Variants in IPO9 observed in about 807,000 individuals in gnomAD.
The protein encoded by IPO9 is importin-9.
Under a neutral mutation model 128.6 loss-of-function variants are expected in IPO9, and 28 were observed. The observed-to-expected ratio is 0.22, with a 90% CI of 0.16 to 0.30. The LOEUF is 0.30. Among genes scored for constraint, IPO9 ranks in the 10% least tolerant of loss-of-function variants. The probability of loss-of-function intolerance (pLI) is 1.00; values close to 1 mark genes in which losing one functional copy is unlikely to be tolerated. For missense variants in IPO9, 935 were observed against 1,293.9 expected (o/e 0.72, Z 4.26); for synonymous variants, 455 against 475.8 (o/e 0.96, Z 0.57).
At position 201,838,601 on chromosome 1, in the gene IPO9, T is replaced by G. The variant is rs147981809; in HGVS notation, c.164-8678T>G. On this transcript the variant is annotated intron_variant, in intron 1 of 23. Transcript: ENST00000361565. ...CAAGTTTCAAGTGTTTGCTTGTGATTTAATCATTTAATAACTCTTTCAGAA... is the reference window on the plus strand; with the variant it reads ...CAAGTTTCAAGTGTTTGCTTGTGATGTAATCATTTAATAACTCTTTCAGAA... Among the ~76,000 whole-genome samples the G allele has an allele frequency of 2.1e-4, 32 of 152,304 alleles. 1 individual carries two copies. The highest frequency in any genetic ancestry group is 7.5e-4 in the African/African-American group (31 of 41,576).
At chr1:201,837,532 A>G (rs1276291587) in intron 1 of IPO9, among the ~76,000 whole-genome samples, 1 of 152,154 alleles carries the variant, frequency 6.6e-6, no homozygotes, top group Non-Finnish European at 1.5e-5. Flanking sequence ...CTATATGAAT[A>G]TCAGTGCTTT....
At chr1:201,862,459 A>G (rs1357182847) in intron 13 of IPO9, among the ~76,000 whole-genome samples, 4 of 151,372 alleles carry the variant, frequency 2.6e-5, no homozygotes, top group African/African-American at 7.3e-5. Context: ...CTCCATCTCA[A>G]AAAAAAAGAG....
intron 1 of IPO9, among the ~76,000 whole-genome samples, chr1:201,836,856 G>A (rs140583513): frequency 6.6e-6 from 1 of 152,182 alleles, no homozygotes; most frequent in Admixed American, 6.5e-5. Flanking sequence ...TTTTGAAACT[G>A]TAGGGGTCTG....
At chr1:201,851,069 A>G (rs1680206340) in intron 4 of IPO9, among the ~76,000 whole-genome samples, 1 of 152,078 alleles carries the variant, frequency 6.6e-6, no homozygotes, top group African/African-American at 2.4e-5. Flanking sequence ...AGGCTCAGGT[A>G]CAGTGGCACT....
intron 15 of IPO9, 97 bp from the exon 16 acceptor site, chr1:201,868,550 TG>T (rs1680595787): frequency 7.5e-7 from 1 of 1,332,188 alleles, no homozygotes; most frequent in South Asian, 1.5e-5. Flanking sequence ...ATGCAGAAGT[TG>T]TTAACTTAGG....
chr1:201,868,390 C>A (rs1680593770), intron 15 of IPO9, among the ~76,000 whole-genome samples: 1 of 151,516 alleles, frequency 6.6e-6, no homozygotes, highest in Admixed American at 6.6e-5. Context: ...CTAGAAAAAG[C>A]CACATTTTGT....
In IPO9 at chr1:201,863,549, G is replaced by A. The variant is rs772118111; in HGVS notation, c.1570G>A (p.Gly524Ser). 6.2e-7 allele frequency: 1 copy of A among 1,606,742 alleles called. No homozygotes were observed. Among genetic ancestry groups the A allele is most frequent in the Non-Finnish European group, 8.5e-7 (1 of 1,173,968 alleles). Reference protein sequence around the residue: ...IQQFLQATVSGLHETQPPSVR... With the variant: ...IQQFLQATVSSLHETQPPSVR... ...GCAGTTCCTACAGGCAACAGTTAGTGGTCTTCACGAGACACAGCCCCCATC... is the reference window on the plus strand; with the variant it reads ...GCAGTTCCTACAGGCAACAGTTAGTAGTCTTCACGAGACACAGCCCCCATC... The change falls in exon 14 of 24, where the codon GGT becomes AGT. Residue 524 changes from glycine (G) to serine (S), a missense_variant. Physicochemically the swap from Gly to Ser is moderately conservative, Grantham distance 56. This residue lies in a region of IPO9 where 741 missense variants were observed against 1,019.1 expected (regional missense o/e 0.73). Coordinates refer to ENST00000361565, the MANE Select transcript of IPO9 (RefSeq NM_018085.5).
chr1:201,831,885 T>TTTGTTGTTGTTGTTGTTG (rs10646458), intron 1 of IPO9, among the ~76,000 whole-genome samples: 98 of 150,812 alleles, frequency 6.5e-4, no homozygotes, highest in Middle Eastern at 3.4e-3. Flanking sequence ...GTTTTTTGCT[T>TTTGTTGTTGTTGTTGTTG]TTGTTGTTGT....
intron 13 of IPO9, among the ~76,000 whole-genome samples, chr1:201,860,849 A>G (rs75528426): frequency 0.047 from 7,156 of 152,300 alleles, 657 homozygotes; most frequent in East Asian, 0.36. Context: ...TAACCTCTGG[A>G]AAACTCCACT....
chr1:201,857,072 A>G (rs1456270878), intron 10 of IPO9, 24 bp from the exon 11 acceptor site: 1 of 1,399,580 alleles, frequency 7.1e-7, no homozygotes, highest in East Asian at 2.3e-5. Context: ...GCAGCATCAC[A>G]AAGACATAAC....
chr1:201,870,735 T>C lies in IPO9; in HGVS notation c.2286T>C (p.Phe762=), dbSNP rs770048710. ...DPRTSEFTAA[F]VGRLVSTLIS... ...GCACCTCAGAGTTCACTGCGGCCTT[T>C]GTGGGCCGCCTTGTTTCCACCCTCA... The change falls in exon 18 of 24, where the codon TTT becomes TTC. Residue 762 remains phenylalanine (F), a synonymous_variant. Coordinates refer to ENST00000361565, the MANE Select transcript of IPO9 (RefSeq NM_018085.5). The surrounding 1 kb of genome is among the most constrained non-coding windows in gnomAD (Gnocchi z 4.9). 1.2e-6 allele frequency: 2 copies of C among 1,614,216 alleles called. No homozygotes were observed. The highest frequency in any genetic ancestry group is 2.2e-5 in the South Asian group (2 of 91,088).
At position 201,871,376 on chromosome 1, in the gene IPO9, C is replaced by CTTTTTTTTTTTTTTTTT. The variant is rs556986429; in HGVS notation, c.2576+63_2576+79dup. The CTTTTTTTTTTTTTTTTT allele has an allele frequency of 8.5e-5, 12 of 140,440 alleles. 2 individuals carry two copies. The highest frequency in any genetic ancestry group is 7.4e-4 in the African/African-American group (11 of 14,858). The allele number at this position is 140,440 out of a possible 1,614,324, so 8.7% of individuals were successfully genotyped here. A position where few individuals can be genotyped will look rare whatever the true frequency, so the allele number is the denominator to read the frequency against. ...GGGCATTCTGCCACCACTCATATTT[C>CTTTTTTTTTTTTTTTTT]TTTTTTTTTTTTTTTTTTTTTTTTT... On this transcript the variant is annotated intron_variant, in intron 19 of 23. Transcript: ENST00000361565.
Position 201,858,887 on chromosome 1 carries a change from T to G in IPO9, c.1361T>G (p.Leu454Arg), listed in dbSNP as rs1302165722. 6.2e-7 allele frequency: 1 copy of G among 1,611,198 alleles called. No individual in the cohort carries two copies. Among genetic ancestry groups the G allele is most frequent in the Non-Finnish European group, 8.5e-7 (1 of 1,177,714 alleles). Residue 454 changes from leucine (L) to arginine (R), a missense_variant, in exon 13 of 24, where the codon CTA (leucine) becomes CGA (arginine). Leu to Arg is a moderately radical substitution (Grantham distance 102, BLOSUM62 -2). Transcript: ENST00000361565. ...ATCCATGAGGCATGCATGCTTGCCCTAGGCTCAGTGAAGGCCATCATCACT... is the reference window on the plus strand; with the variant it reads ...ATCCATGAGGCATGCATGCTTGCCCGAGGCTCAGTGAAGGCCATCATCACT... ...WKIHEACMLA[L>R]GSVKAIITDS...
intron 3 of IPO9, 133 bp downstream of exon 3, chr1:201,847,771 C>T (rs1045711125): frequency 1.5e-5 from 10 of 678,326 alleles, no homozygotes; most frequent in African/African-American, 7.2e-5. Context: ...GCTGGCATTG[C>T]GGGCATAGGG....
Position 201,870,509 on chromosome 1 carries a change from G to A in IPO9, c.2134-74G>A. ...GAGGCATAGGCCTCTGGGAACATTTGTTTATACAGACTGAGGGCCTTCTGG... is the reference window on the plus strand; with the variant it reads ...GAGGCATAGGCCTCTGGGAACATTTATTTATACAGACTGAGGGCCTTCTGG... On this transcript the variant is annotated intron_variant, in intron 17 of 23. Coordinates refer to ENST00000361565, the MANE Select transcript of IPO9 (RefSeq NM_018085.5). The surrounding 1 kb of genome is among the most constrained non-coding windows in gnomAD (Gnocchi z 4.9). 6.6e-7 allele frequency: 1 copy of A among 1,525,518 alleles called. No homozygotes were observed. Among genetic ancestry groups the A allele is most frequent in the South Asian group, 1.3e-5 (1 of 79,314 alleles). The allele number at this position is 1,525,518 out of a possible 1,614,324, so 94.5% of individuals were successfully genotyped here. A position where few individuals can be genotyped will look rare whatever the true frequency, so the allele number is the denominator to read the frequency against.
intron 1 of IPO9, among the ~76,000 whole-genome samples, chr1:201,846,651 G>T (rs1680128603): frequency 6.6e-6 from 1 of 151,974 alleles, no homozygotes; most frequent in Admixed American, 6.6e-5. Flanking sequence ...AGGATTATAG[G>T]CATGAGCCAC....
At chr1:201,873,563 CAT>C (rs1680701309) in intron 20 of IPO9, among the ~76,000 whole-genome samples, 1 of 150,210 alleles carries the variant, frequency 6.7e-6, no homozygotes, top group Non-Finnish European at 1.5e-5. Context: ...GCCTGACCAA[CAT>C]AGAGAAACCC....
intron 1 of IPO9, among the ~76,000 whole-genome samples, chr1:201,842,410 C>G (rs539193637): frequency 1.3e-5 from 2 of 152,084 alleles, no homozygotes; most frequent in African/African-American, 4.8e-5. Context: ...TGATGATCAA[C>G]TTAACCTTCA....
rs752469699 is a variant in IPO9 at position 201,854,630 on chromosome 1, G to A, written c.726G>A (p.Gln242=). Residue 242 remains glutamine (Q), a synonymous_variant, in exon 7 of 24, where the codon CAG becomes CAA. Coordinates refer to ENST00000361565, the MANE Select transcript of IPO9 (RefSeq NM_018085.5). ...AAKVLIFPVV[Q]QFTEAFVQAL... is the part of the protein sequence containing the mutation. ...AAGTCCTGATCTTTCCCGTGGTACA[G>A]CAGTTCACAGAGGCCTTTGTTCAGG... The A allele has an allele frequency of 3.1e-6, 5 of 1,614,162 alleles. No individual in the cohort carries two copies. Among genetic ancestry groups the A allele is most frequent in the African/African-American group, 1.3e-5 (1 of 75,046 alleles).
Sources: allele counts gnomAD v4.1 joint callset (sites outside exome capture counted in the v4.1 genomes callset), GRCh38; gene constraint gnomAD v4.1.1; regional missense constraint gnomAD v4.1.1; non-coding constraint Gnocchi (gnomAD v3.1); transcripts MANE v1.5; gene names NCBI Gene and HGNC (gene_info 2026-07-23, HGNC 2026-07-21).